Variants in SLC22A15 observed in about 807,000 individuals in gnomAD.
SLC22A15 encodes solute carrier family 22 member 15.
SLC22A15 carries 45 observed loss-of-function variants against 62.7 expected under a neutral mutation model. That is an observed-to-expected ratio of 0.72 (90% CI 0.56 to 0.92). The LOEUF (loss-of-function observed/expected upper bound fraction) is 0.92. Ranked by LOEUF, SLC22A15 falls within the 40% of genes least tolerant of loss-of-function variation. The pLI, the probability that SLC22A15 is intolerant of heterozygous loss-of-function variation, is 0.00. For synonymous variants in SLC22A15, 264 were observed against 267.0 expected (o/e 0.99, Z 0.11); for missense variants, 622 against 665.6 (o/e 0.93, Z 0.72).
intron 2 of SLC22A15, among the ~76,000 whole-genome samples, chr1:115,997,069 G>A (rs577321840): frequency 2.1e-4 from 32 of 152,132 alleles, no homozygotes; most frequent in African/African-American, 6.3e-4. Flanking sequence ...GATACACTCC[G>A]TCTTTCACCA....
chr1:116,021,399 T>A (rs1273757217), intron 4 of SLC22A15, among the ~76,000 whole-genome samples: 1 of 151,752 alleles, frequency 6.6e-6, no homozygotes, highest in Non-Finnish European at 1.5e-5. Flanking sequence ...TCCCATTATT[T>A]TCTCAAGAAC....
intron 8 of SLC22A15, among the ~76,000 whole-genome samples, chr1:116,056,694 G>C (rs982820011): frequency 1.3e-5 from 2 of 152,074 alleles, no homozygotes; most frequent in Admixed American, 6.6e-5. Context: ...CATGGTACTG[G>C]TACCAAAACA....
rs1483879739 is a variant in SLC22A15, at chr1:115,976,702, C to T, written c.75C>T (p.Ala25=). Residue 25 remains alanine, a synonymous_variant, in exon 1 of 12, where the codon GCC becomes GCT. Transcript: ENST00000369503. ...AGATGTACTTGTGCTTCCTGCTGGCCGTGCTGCTGCAGGTAAGTCCCCGCG... is the reference window on the plus strand; with the variant it reads ...AGATGTACTTGTGCTTCCTGCTGGCTGTGCTGCTGCAGGTAAGTCCCCGCG... The part of the protein sequence containing the change: ...IYQMYLCFLL[A]VLLQLYVATE... 1.9e-6 allele frequency: 3 copies of T among 1,583,100 alleles called. No homozygotes were observed. Among genetic ancestry groups the T allele is most frequent in the African/African-American group, 1.4e-5 (1 of 72,150 alleles).
intron 5 of SLC22A15, among the ~76,000 whole-genome samples, chr1:116,029,619 A>T (rs915099429): frequency 6.6e-6 from 1 of 152,210 alleles, no homozygotes; most frequent in Non-Finnish European, 1.5e-5. Flanking sequence ...AGTTTTCATG[A>T]TCAAGATAAA....
chr1:116,010,024 A>G (rs1656174377), intron 2 of SLC22A15, among the ~76,000 whole-genome samples: 1 of 152,150 alleles, frequency 6.6e-6, no homozygotes, highest in African/African-American at 2.4e-5. Context: ...GGAAGGGCAA[A>G]TAAAAGGTTA....
intron 2 of SLC22A15, among the ~76,000 whole-genome samples, chr1:116,016,466 A>G (rs1342096118): frequency 6.6e-6 from 1 of 152,122 alleles, no homozygotes; most frequent in Non-Finnish European, 1.5e-5. Context: ...GGCTCAAGCA[A>G]TCCACCGGCC....
intron 8 of SLC22A15, among the ~76,000 whole-genome samples, chr1:116,057,035 C>G (rs900455635): frequency 2.6e-5 from 4 of 151,900 alleles, no homozygotes; most frequent in Non-Finnish European, 4.4e-5. Context: ...GCAATGGCAA[C>G]AAAAGCCAAA....
At chr1:116,061,903 G>T (rs973729551) in intron 8 of SLC22A15, among the ~76,000 whole-genome samples, 1 of 152,042 alleles carries the variant, frequency 6.6e-6, no homozygotes, top group African/African-American at 2.4e-5. Context: ...TTCATATTTA[G>T]ATTCTTGTTA....
At chr1:116,054,297 A>G (rs1172215316) in intron 8 of SLC22A15, among the ~76,000 whole-genome samples, 1 of 151,846 alleles carries the variant, frequency 6.6e-6, no homozygotes, top group Non-Finnish European at 1.5e-5. Context: ...AAAGATCAAA[A>G]GAGACAAAGA....
chr1:116,066,967 T>C, intron 11 of SLC22A15, 52 bp from the exon 12 acceptor site: 1 of 1,431,282 alleles, frequency 7.0e-7, no homozygotes, highest in Non-Finnish European at 9.7e-7. Context: ...AGTTTCCATT[T>C]CAGAAATGTC....
chr1:115,980,608 A>G (rs1654563363), intron 1 of SLC22A15, among the ~76,000 whole-genome samples: 1 of 152,210 alleles, frequency 6.6e-6, no homozygotes, highest in Admixed American at 6.5e-5. Flanking sequence ...TACAAATTTT[A>G]AAAACACACA....
chr1:116,019,451 T>C, intron 2 of SLC22A15, 131 bp from the exon 3 acceptor site: 1 of 844,596 alleles, frequency 1.2e-6, no homozygotes, highest in Non-Finnish European at 1.8e-6. Context: ...GATAGACAAA[T>C]TCTACTGAAT....
chr1:116,011,820 G>A (rs964554318), intron 2 of SLC22A15, among the ~76,000 whole-genome samples: 4 of 152,164 alleles, frequency 2.6e-5, no homozygotes, highest in Non-Finnish European at 5.9e-5. Flanking sequence ...AGGGCACAGT[G>A]CATACTGAGA....
intron 1 of SLC22A15, among the ~76,000 whole-genome samples, chr1:115,982,519 G>A (rs79219835): frequency 0.018 from 2,747 of 152,262 alleles, 36 homozygotes; most frequent in Middle Eastern, 0.065. Context: ...AGTGGCTGTA[G>A]CATGGTATTT....
intron 8 of SLC22A15, among the ~76,000 whole-genome samples, chr1:116,046,140 G>A (rs906021504): frequency 6.6e-6 from 1 of 152,124 alleles, no homozygotes; most frequent in Non-Finnish European, 1.5e-5. Flanking sequence ...CTAAAACTGT[G>A]TTGTACAACT....
intron 8 of SLC22A15, among the ~76,000 whole-genome samples, chr1:116,059,937 G>A (rs1658335296): frequency 6.6e-6 from 1 of 152,162 alleles, no homozygotes; most frequent in African/African-American, 2.4e-5. Flanking sequence ...TAACCTCCTT[G>A]AGTTAGTATT....
rs1034740617 is a variant in SLC22A15 at position 116,068,653 on chromosome 1, T to C, written c.*1545T>C. 1 of 152,212 alleles carries C rather than the reference T, an allele frequency of 6.6e-6. No homozygotes were observed. The highest frequency in any genetic ancestry group is 2.4e-5 in the African/African-American group (1 of 41,472). 9.4% of individuals were successfully genotyped at this position (152,212 alleles called of 1,614,324 possible). On this transcript the variant is annotated 3_prime_UTR_variant, in exon 12 of 12. Transcript: ENST00000369503. ...CATTGGCGTAGACACAGTAAGAACC[T>C]AGTAAATATTACTGTTTCTAGCCAT...
rs1014277766 is a variant in SLC22A15, at chr1:116,068,039, T to C, written c.*931T>C. 18 of 152,744 alleles carry C rather than the reference T, an allele frequency of 1.2e-4. No individual in the cohort carries two copies. Among genetic ancestry groups the C allele is most frequent in the Middle Eastern group, 3.4e-3 (1 of 294 alleles). 9.5% of individuals were successfully genotyped at this position (152,744 alleles called of 1,614,324 possible). On this transcript the variant is annotated 3_prime_UTR_variant, in exon 12 of 12. Coordinates refer to ENST00000369503, the MANE Select transcript of SLC22A15 (RefSeq NM_018420.3). ...GAAATTATCTTTGATAAATTTTTGT[T>C]TGTTTTGCTTTCAGCATTGTGCCAT... is the stretch of plus-strand genomic sequence containing the variant.
intron 4 of SLC22A15, among the ~76,000 whole-genome samples, chr1:116,025,324 T>C (rs1657034592): frequency 6.6e-6 from 1 of 152,182 alleles, no homozygotes; most frequent in South Asian, 2.1e-4. Context: ...CTGTTTGATC[T>C]ACAGCAGTGA....
Sources: gnomAD v4.1 joint callset for allele counts (sites outside exome capture counted in the v4.1 genomes callset) on GRCh38, gnomAD v4.1.1 for gene constraint, MANE v1.5 for transcripts, NCBI Gene and HGNC (gene_info 2026-07-23, HGNC 2026-07-21) for gene names.